FREM1: variants seen among roughly 807,000 people sequenced by gnomAD.
FREM1 encodes FRAS1-related extracellular matrix protein 1.
In FREM1, 220 loss-of-function variants were observed where a neutral mutation model predicts 210.1. The ratio of observed to expected loss-of-function variants is 1.05; its 90% CI spans 0.94 to 1.17. FREM1 has a LOEUF of 1.17. Among genes scored for constraint, FREM1 ranks in the 50% most tolerant of loss-of-function variants. FREM1 has a pLI of 0.00. For synonymous variants in FREM1, 1,189 were observed against 980.2 expected (o/e 1.21, Z -3.98); for missense variants, 3,454 against 2,675.5 (o/e 1.29, Z -6.42).
At chr9:14,845,929 C>G (rs368638243) in intron 8 of FREM1, 31 bp downstream of exon 8, 1 of 1,611,148 alleles carries the variant, frequency 6.2e-7, no homozygotes, top group Non-Finnish European at 8.5e-7. Context: ...CTTTTGGATT[C>G]TTTGCTAGGT....
intron 15 of FREM1, among the ~76,000 whole-genome samples, chr9:14,815,897 T>G (rs767093728): frequency 2.0e-5 from 3 of 152,166 alleles, no homozygotes; most frequent in Non-Finnish European, 2.9e-5. Context: ...ATCAGCCTGC[T>G]TTGGCATCCC....
chr9:14,782,309 G>A (rs907142647), intron 24 of FREM1: 1 of 945,194 alleles, frequency 1.1e-6, no homozygotes, highest in African/African-American at 1.8e-5. Context: ...AATTTTTACA[G>A]TATTGCCAAT....
At chr9:14,906,056 G>A (rs536672876) in intron 1 of FREM1, among the ~76,000 whole-genome samples, 7 of 152,178 alleles carry the variant, frequency 4.6e-5, no homozygotes, top group African/African-American at 7.2e-5. Context: ...AAATTAAGTC[G>A]CTTGCCATGT....
At chr9:14,738,291 C>A (rs149766816) in intron 36 of FREM1, among the ~76,000 whole-genome samples, 1 of 152,172 alleles carries the variant, frequency 6.6e-6, no homozygotes, top group African/African-American at 2.4e-5. Context: ...GAGAAAGGAA[C>A]TCCCTGCCAT....
At chr9:14,866,388 T>C (rs4388543) in intron 2 of FREM1, among the ~76,000 whole-genome samples, 30,562 of 152,098 alleles carry the variant, frequency 0.2, 3,629 homozygotes, top group East Asian at 0.57. Flanking sequence ...AGATATATAA[T>C]GGGGACAATT....
chr9:14,898,828 C>G (rs1838245342), intron 1 of FREM1, among the ~76,000 whole-genome samples: 1 of 152,146 alleles, frequency 6.6e-6, no homozygotes, highest in African/African-American at 2.4e-5. Context: ...AATTGCTCAT[C>G]CATTGTAACA....
At position 14,746,599 on chromosome 9, in the gene FREM1, T is replaced by C. The variant is rs140394365; in HGVS notation, c.6139-131A>G. 73 of 682,860 alleles carry C rather than the reference T, an allele frequency of 1.1e-4. No individual in the cohort carries two copies. In the African/African-American group the frequency reaches 1.1e-3, roughly 11 times the overall value. The allele number at this position is 682,860 out of a possible 1,614,324, so 42.3% of individuals were successfully genotyped here. On this transcript the variant is annotated intron_variant, in intron 34 of 36. Transcript: ENST00000380880. ...TTACCACAAAGGGAGTCAGCCCTAA[T>C]CCCAATTCTCCATCTTGAGAAATAC...
intron 1 of FREM1, among the ~76,000 whole-genome samples, chr9:14,886,317 C>G (rs972900756): frequency 8.4e-6 from 1 of 119,046 alleles, no homozygotes; most frequent in Non-Finnish European, 1.6e-5. Context: ...ACCCTGGAGG[C>G]GGAGGTTGCA....
chr9:14,796,428 T>C (rs1305018799), intron 21 of FREM1, among the ~76,000 whole-genome samples: 1 of 152,224 alleles, frequency 6.6e-6, no homozygotes, highest in African/African-American at 2.4e-5. Context: ...CAGTTCTGTA[T>C]AGCTGCCAAT....
intron 9 of FREM1, 112 bp from the exon 10 acceptor site, chr9:14,841,701 C>T (rs1383466809): frequency 3.1e-6 from 2 of 651,862 alleles, no homozygotes; most frequent in Non-Finnish European, 4.7e-6. Flanking sequence ...ATTCTATGTA[C>T]CCAAGGAATC....
chr9:14,857,189 T>C (rs939896794), intron 5 of FREM1, among the ~76,000 whole-genome samples: 1 of 151,914 alleles, frequency 6.6e-6, no homozygotes, highest in African/African-American at 2.4e-5. Context: ...GACCCCCTGA[T>C]TTCAAGAAGG....
At chr9:14,822,657 G>A (rs925601980) in intron 13 of FREM1, among the ~76,000 whole-genome samples, 1 of 152,188 alleles carries the variant, frequency 6.6e-6, no homozygotes, top group Non-Finnish European at 1.5e-5. Flanking sequence ...TGCCTTTGTA[G>A]TTCGGTTTTA....
At chr9:14,823,882 G>T (rs1821831435) in intron 12 of FREM1, 143 bp downstream of exon 12, 1 of 468,996 alleles carries the variant, frequency 2.1e-6, no homozygotes, top group East Asian at 3.2e-5. Context: ...ACACTTAATG[G>T]AAACATACAA....
chr9:14,850,041 A>G (rs1827393435), intron 6 of FREM1, among the ~76,000 whole-genome samples: 1 of 152,204 alleles, frequency 6.6e-6, no homozygotes, highest in African/African-American at 2.4e-5. Context: ...CGAAATTACA[A>G]TAGAGATAAC....
intron 24 of FREM1, among the ~76,000 whole-genome samples, chr9:14,780,142 A>G (rs1327914459): frequency 6.6e-6 from 1 of 152,098 alleles, no homozygotes; most frequent in Non-Finnish European, 1.5e-5. Flanking sequence ...GTTGGTATCC[A>G]TTCTGAGGTG....
At chr9:14,848,604 C>G in intron 7 of FREM1, 61 bp downstream of exon 7, 1 of 927,028 alleles carries the variant, frequency 1.1e-6, no homozygotes. Context: ...TTTCCTGACC[C>G]ATCTACTTTC....
At chr9:14,802,946 T>C (rs1429715759) in intron 19 of FREM1, among the ~76,000 whole-genome samples, 1 of 152,084 alleles carries the variant, frequency 6.6e-6, no homozygotes, top group African/African-American at 2.4e-5. Flanking sequence ...GAAGGACATG[T>C]ATGGTTTGAA....
intron 21 of FREM1, among the ~76,000 whole-genome samples, chr9:14,793,591 T>C (rs575808363): frequency 6.6e-6 from 1 of 152,288 alleles, no homozygotes; most frequent in African/African-American, 2.4e-5. Flanking sequence ...TATATGGCCA[T>C]TGTCCCTGGT....
chr9:14,867,034 AT>A (rs1831654868), intron 2 of FREM1, among the ~76,000 whole-genome samples: 1 of 151,910 alleles, frequency 6.6e-6, no homozygotes, highest in African/African-American at 2.4e-5. Flanking sequence ...TAATTTTTGT[AT>A]TTTTAGTAGA....
Sources: gnomAD v4.1 joint callset for allele counts (sites outside exome capture counted in the v4.1 genomes callset) on GRCh38, gnomAD v4.1.1 for gene constraint, MANE v1.5 for transcripts, NCBI Gene and HGNC (gene_info 2026-07-23, HGNC 2026-07-21) for gene names.